Variants in ADCY1 observed in about 807,000 individuals in gnomAD.
The protein encoded by ADCY1 is adenylate cyclase type 1.
Under a neutral mutation model 105.4 loss-of-function variants are expected in ADCY1, and 28 were observed. The ratio of observed to expected loss-of-function variants is 0.27; its 90% CI spans 0.20 to 0.36. ADCY1 has a LOEUF of 0.36. Ranked by LOEUF, ADCY1 falls within the 10% of genes least tolerant of loss-of-function variation. The pLI is 1.00. For synonymous variants in ADCY1, 655 were observed against 623.8 expected (o/e 1.05, Z -0.75); for missense variants, 977 against 1,434.2 (o/e 0.68, Z 5.15).
chr7:45,592,343 G>A (rs771715140), intron 1 of ADCY1, among the ~76,000 whole-genome samples: 6 of 152,094 alleles, frequency 3.9e-5, no homozygotes, highest in African/African-American at 4.8e-5. Context: ...GAGTCTTCCC[G>A]CTGGCTGTGT....
At chr7:45,651,287 C>T (rs999751622) in intron 5 of ADCY1, among the ~76,000 whole-genome samples, 10 of 152,130 alleles carry the variant, frequency 6.6e-5, no homozygotes, top group Non-Finnish European at 1.3e-4. Context: ...CTGGGACCCA[C>T]CAGTGTGTGC....
intron 11 of ADCY1, 105 bp downstream of exon 11, chr7:45,679,898 C>T (rs1174601176): frequency 7.3e-7 from 1 of 1,365,544 alleles, no homozygotes; most frequent in African/African-American, 1.4e-5. Context: ...ATGAGGGTGG[C>T]CTGTGTCCTA....
At chr7:45,683,871 C>T (rs1784612611) in intron 11 of ADCY1, among the ~76,000 whole-genome samples, 1 of 152,230 alleles carries the variant, frequency 6.6e-6, no homozygotes, top group Non-Finnish European at 1.5e-5. Context: ...CTCTAAAATC[C>T]TGTTCCCAGG....
chr7:45,695,894 C>G lies in ADCY1; in HGVS notation c.2455-7482C>G, dbSNP rs192712681. 4.6e-5 allele frequency among the ~76,000 whole-genome samples: 7 copies of G among 152,370 alleles called. No homozygotes were observed. In the East Asian group the frequency reaches 1.2e-3, roughly 25 times the overall value. ...GCTAATCTATGACCAGCCTGCAGAA[C>G]TCAGTACTGCTAATGCAGGCACCTC... is the stretch of plus-strand genomic sequence containing the variant. On this transcript the variant is annotated intron_variant, in intron 14 of 19. Coordinates refer to ENST00000297323, the MANE Select transcript of ADCY1 (RefSeq NM_021116.4).
In ADCY1 at chr7:45,575,100, G is replaced by C. The variant is rs1193788818; in HGVS notation, c.557G>C (p.Gly186Ala). 6.2e-7 allele frequency: 1 copy of C among 1,612,712 alleles called. No individual in the cohort carries two copies. The highest frequency in any genetic ancestry group is 1.1e-5 in the South Asian group (1 of 91,062). The stretch of plus-strand genomic sequence containing the variant: ...CCCGTGCGCAGCCTGCTGGCCATAG[G>C]CTTTGGGCTCGTGGTGGCTGCGTCG... ...LLPVRSLLAIGFGLVVAASHL... is the reference protein window; with the variant it reads ...LLPVRSLLAIAFGLVVAASHL... The change falls in exon 1 of 20, where the codon GGC becomes GCC. Residue 186 changes from glycine to alanine, a missense_variant. By Grantham distance (60) the Gly-to-Ala change is moderately conservative. Coordinates refer to ENST00000297323, the MANE Select transcript of ADCY1 (RefSeq NM_021116.4). This position sits in a 1 kb window ranked among gnomAD's most constrained non-coding sequence, Gnocchi z 4.7.
chr7:45,696,852 C>T (rs750678681), intron 14 of ADCY1, among the ~76,000 whole-genome samples: 2 of 152,138 alleles, frequency 1.3e-5, no homozygotes, highest in Non-Finnish European at 2.9e-5. Flanking sequence ...TGCTGCTAAT[C>T]AAGGGAGGAG....
chr7:45,698,250 A>G (rs1784925599), intron 14 of ADCY1, among the ~76,000 whole-genome samples: 1 of 152,196 alleles, frequency 6.6e-6, no homozygotes, highest in South Asian at 2.1e-4. Context: ...GCCTGCATCC[A>G]CACATTGTAA....
intron 5 of ADCY1, among the ~76,000 whole-genome samples, chr7:45,653,441 G>T (rs1270817723): frequency 1.3e-5 from 2 of 152,198 alleles, no homozygotes; most frequent in South Asian, 4.1e-4. Context: ...AGGACTGCCC[G>T]CGATGCCCAG....
At chr7:45,605,582 G>A (rs1433674369) in intron 2 of ADCY1, among the ~76,000 whole-genome samples, 2 of 149,912 alleles carry the variant, frequency 1.3e-5, no homozygotes, top group African/African-American at 4.9e-5. Context: ...TTTTTATTCT[G>A]TTGACATGGT....
rs1377610125 is a variant in ADCY1 at position 45,708,204 on chromosome 7, G to A, written c.2818-146G>A. 8.1e-6 allele frequency: 5 copies of A among 613,918 alleles called. No homozygotes were observed. The highest frequency in any genetic ancestry group is 1.5e-5 in the Non-Finnish European group (5 of 337,170). 38.0% of individuals were successfully genotyped at this position (613,918 alleles called of 1,614,324 possible). A position where few individuals can be genotyped will look rare whatever the true frequency, so the allele number is the denominator to read the frequency against. Reference sequence around the variant, plus strand: ...CTGCCTCTCTCTTAGTCTCCTACCTGTAGAATGGAATGATAAATGTGCCTA... The same window carrying A: ...CTGCCTCTCTCTTAGTCTCCTACCTATAGAATGGAATGATAAATGTGCCTA... On this transcript the variant is annotated intron_variant, in intron 17 of 19. Coordinates refer to ENST00000297323, the MANE Select transcript of ADCY1 (RefSeq NM_021116.4). The surrounding 1 kb of genome is among the most constrained non-coding windows in gnomAD (Gnocchi z 4.7).
chr7:45,663,937 G>T (rs1446436370), intron 8 of ADCY1, among the ~76,000 whole-genome samples: 1 of 152,230 alleles, frequency 6.6e-6, no homozygotes, highest in East Asian at 1.9e-4. Flanking sequence ...GAGTCGTGCT[G>T]TTGCGGGGAG....
At chr7:45,610,881 A>AGGTGATATTGGAGGTGTGG in intron 3 of ADCY1, among the ~76,000 whole-genome samples, 1 of 13,530 alleles carries the variant, frequency 7.4e-5, no homozygotes, top group Non-Finnish European at 1.5e-4. Context: ...TGGAGGTGGG[A>AGGTGATATTGGAGGTGTGG]AGGTGATGGT....
intron 4 of ADCY1, among the ~76,000 whole-genome samples, chr7:45,648,050 C>T: frequency 6.6e-6 from 1 of 152,218 alleles, no homozygotes; most frequent in African/African-American, 2.4e-5. Context: ...TAACTCTCTC[C>T]ACCTTCCATG....
chr7:45,656,607 G>A (rs1005784892), intron 5 of ADCY1, among the ~76,000 whole-genome samples: 12 of 152,214 alleles, frequency 7.9e-5, no homozygotes, highest in African/African-American at 2.7e-4. Flanking sequence ...GTTGTGTGGA[G>A]CAGGTGCTCC....
intron 4 of ADCY1, among the ~76,000 whole-genome samples, chr7:45,632,528 C>T (rs1266143998): frequency 8.2e-6 from 1 of 122,158 alleles, no homozygotes; most frequent in East Asian, 2.1e-4. Context: ...AAATTCTATA[C>T]ATTTCTCAGA....
At chr7:45,685,920 C>G in intron 12 of ADCY1, 42 bp from the exon 13 acceptor site, 2 of 1,583,796 alleles carry the variant, frequency 1.3e-6, no homozygotes, top group Non-Finnish European at 1.7e-6. Flanking sequence ...TGCAGGTCTT[C>G]ACCTGCCCTT....
intron 14 of ADCY1, among the ~76,000 whole-genome samples, chr7:45,700,196 C>G (rs1258457653): frequency 6.6e-6 from 1 of 152,120 alleles, no homozygotes; most frequent in Non-Finnish European, 1.5e-5. Flanking sequence ...ACATGTGCAC[C>G]CTGCCCAGCC....
chr7:45,677,849 T>G lies in ADCY1; in HGVS notation c.1606-20T>G. Reference sequence around the variant, plus strand: ...AGTGGAGAATTTGATGATACTCCTTTATTTCCATGATGGCTCCAGCGGAGG... The same window carrying G: ...AGTGGAGAATTTGATGATACTCCTTGATTTCCATGATGGCTCCAGCGGAGG... On this transcript the variant is annotated intron_variant, in intron 8 of 19. Transcript: ENST00000297323. 6.2e-7 allele frequency: 1 copy of G among 1,608,680 alleles called. No individual in the cohort carries two copies.
At chr7:45,602,818 T>G (rs1793275363) in intron 2 of ADCY1, among the ~76,000 whole-genome samples, 1 of 152,244 alleles carries the variant, frequency 6.6e-6, no homozygotes, top group Admixed American at 6.5e-5. Flanking sequence ...AGAATCTTAG[T>G]CTTATTACAC....
Sources: gnomAD v4.1 joint callset for allele counts (sites outside exome capture counted in the v4.1 genomes callset) on GRCh38, gnomAD v4.1.1 for gene constraint, Gnocchi (gnomAD v3.1) non-coding constraint, MANE v1.5 for transcripts, NCBI Gene and HGNC (gene_info 2026-07-23, HGNC 2026-07-21) for gene names.